Variants in CLNK observed in about 807,000 individuals in gnomAD.
CLNK encodes cytokine dependent hematopoietic cell linker, also known as cytokine-dependent hematopoietic cell linker.
Under a neutral mutation model 68.6 loss-of-function variants are expected in CLNK, and 74 were observed. The ratio of observed to expected loss-of-function variants is 1.08; its 90% CI spans 0.89 to 1.31. CLNK has a LOEUF of 1.31. Among genes scored for constraint, CLNK ranks in the 50% most tolerant of loss-of-function variants. The pLI is 0.00. For synonymous variants in CLNK, 198 were observed against 172.2 expected, an observed-to-expected ratio of 1.15 and a Z score of -1.17; for missense variants, 553 against 515.3, an observed-to-expected ratio of 1.07 and a Z score of -0.71.
intron 2 of CLNK, among the ~76,000 whole-genome samples, chr4:10,619,412 A>T (rs1216802153): frequency 6.6e-6 from 1 of 152,092 alleles, no homozygotes; most frequent in Non-Finnish European, 1.5e-5. Flanking sequence ...CGCCTTTGGG[A>T]CTGTGTTTTG....
At chr4:10,507,671 G>A (rs1358428425) in intron 17 of CLNK, among the ~76,000 whole-genome samples, 1 of 151,568 alleles carries the variant, frequency 6.6e-6, no homozygotes, top group Non-Finnish European at 1.5e-5. Context: ...TAGTAGAAAC[G>A]GGGTTTCACC....
At chr4:10,640,484 G>T (rs571894050) in intron 2 of CLNK, among the ~76,000 whole-genome samples, 1 of 152,294 alleles carries the variant, frequency 6.6e-6, no homozygotes, top group East Asian at 1.9e-4. Flanking sequence ...CATTTTTGAA[G>T]AGGTCTTAAA....
At chr4:10,673,379 T>C (rs1055792074) in intron 1 of CLNK, among the ~76,000 whole-genome samples, 7 of 151,860 alleles carry the variant, frequency 4.6e-5, no homozygotes, top group African/African-American at 1.7e-4. Flanking sequence ...TCTTGCCTGA[T>C]TGCCCTGGAC....
At chr4:10,660,134 G>A (rs1217193703) in intron 2 of CLNK, among the ~76,000 whole-genome samples, 1 of 152,174 alleles carries the variant, frequency 6.6e-6, no homozygotes, top group Non-Finnish European at 1.5e-5. Context: ...CCAAACACTG[G>A]TTTAGTTCAC....
At chr4:10,610,340 G>A (rs941286372) in intron 2 of CLNK, among the ~76,000 whole-genome samples, 16 of 150,310 alleles carry the variant, frequency 1.1e-4, no homozygotes, top group Admixed American at 9.3e-4. Context: ...CACCGCGCCC[G>A]GCCCGTTTTT....
intron 1 of CLNK, among the ~76,000 whole-genome samples, chr4:10,679,352 C>T (rs369224768): frequency 1.3e-5 from 2 of 152,082 alleles, no homozygotes; most frequent in African/African-American, 2.4e-5. Flanking sequence ...TTACACCTTA[C>T]ACAAAAATTA....
chr4:10,723,293 C>A, the CLNK span, among the ~76,000 whole-genome samples: 1 of 152,204 alleles, frequency 6.6e-6, no homozygotes, highest in African/African-American at 2.4e-5. Context: ...AGACCCTATT[C>A]TCTTGCCTCA....
At chr4:10,541,919 T>C (rs2108809104) in intron 10 of CLNK, 103 bp downstream of exon 10, 2 of 864,092 alleles carry the variant, frequency 2.3e-6, no homozygotes, top group East Asian at 5.2e-5. Context: ...TCTGAAATCA[T>C]ATTAGATTTT....
chr4:10,667,815 C>T, intron 2 of CLNK, 44 bp downstream of exon 2: 8 of 1,543,418 alleles, frequency 5.2e-6, no homozygotes, highest in Non-Finnish European at 7.0e-6. Flanking sequence ...CTGTCCCCAC[C>T]AAGAAAAGGG....
At chr4:10,634,553 A>G (rs1247594622) in intron 2 of CLNK, among the ~76,000 whole-genome samples, 1 of 152,202 alleles carries the variant, frequency 6.6e-6, no homozygotes, top group Non-Finnish European at 1.5e-5. Flanking sequence ...GATTCTGCCT[A>G]CTGGGCTTAC....
intron 3 of CLNK, among the ~76,000 whole-genome samples, chr4:10,589,335 C>T (rs190822144): frequency 2.0e-5 from 3 of 152,274 alleles, no homozygotes; most frequent in Admixed American, 6.5e-5. Context: ...ATAGCAGCAA[C>T]GTAGACCGCA....
chr4:10,518,557 CGTT>C (rs1303501222), intron 15 of CLNK, among the ~76,000 whole-genome samples: 2 of 152,256 alleles, frequency 1.3e-5, no homozygotes, highest in African/African-American at 4.8e-5. Flanking sequence ...TAGAGAATAA[CGTT>C]GTTACTACTT....
In CLNK at chr4:10,553,160, C is replaced by T. The variant is rs151181294; in HGVS notation, c.445+5247G>A. On this transcript the variant is annotated intron_variant, in intron 8 of 18. Transcript: ENST00000226951. ...CAAACAATGGATCATTTATAACACC[C>T]GATAAACTACTCAGAATAGGAAATG... 5.5e-3 allele frequency among the ~76,000 whole-genome samples: 834 copies of T among 152,172 alleles called. 9 individuals are homozygous for T. Among genetic ancestry groups the T allele is most frequent in the African/African-American group, 0.019 (792 of 41,504 alleles).
At chr4:10,660,813 A>G (rs924711721) in intron 2 of CLNK, among the ~76,000 whole-genome samples, 1 of 152,180 alleles carries the variant, frequency 6.6e-6, no homozygotes, top group African/African-American at 2.4e-5. Context: ...GCTCCTGCAA[A>G]AGTATCACTG....
At chr4:10,558,851 G>C (rs545915006) in intron 7 of CLNK, among the ~76,000 whole-genome samples, 1 of 152,272 alleles carries the variant, frequency 6.6e-6, no homozygotes, top group South Asian at 2.1e-4. Context: ...AGGCAGGTCA[G>C]GGTATGGCCT....
intron 3 of CLNK, among the ~76,000 whole-genome samples, chr4:10,586,654 G>C (rs1720981835): frequency 6.6e-6 from 1 of 151,902 alleles, no homozygotes; most frequent in Non-Finnish European, 1.5e-5. Flanking sequence ...ACAATGAAGG[G>C]GTCAAATAAT....
intron 3 of CLNK, among the ~76,000 whole-genome samples, chr4:10,586,505 G>C (rs1018130482): frequency 5.9e-5 from 9 of 151,602 alleles, no homozygotes; most frequent in Non-Finnish European, 1.2e-4. Context: ...AGTAGAGACG[G>C]GGTTTCACCA....
chr4:10,568,099 T>C (rs1314913660), intron 5 of CLNK, among the ~76,000 whole-genome samples: 1 of 152,208 alleles, frequency 6.6e-6, no homozygotes, highest in African/African-American at 2.4e-5. Flanking sequence ...TATAGCAGTA[T>C]TTTTCTTAAT....
At chr4:10,578,780 C>G (rs1720671765) in intron 4 of CLNK, among the ~76,000 whole-genome samples, 1 of 151,850 alleles carries the variant, frequency 6.6e-6, no homozygotes, top group South Asian at 2.1e-4. Context: ...CCATGTTGGC[C>G]AGGCTGGTCT....
Sources: gnomAD v4.1 joint callset for allele counts (sites outside exome capture counted in the v4.1 genomes callset) on GRCh38, gnomAD v4.1.1 for gene constraint, MANE v1.5 for transcripts, NCBI Gene and HGNC (gene_info 2026-07-23, HGNC 2026-07-21) for gene names.